The following AEBP2 variants were observed in gnomAD, a reference collection of about 807,000 sequenced individuals.
AEBP2 encodes the protein zinc finger protein AEBP2.
In AEBP2, 10 loss-of-function variants were observed where a neutral mutation model predicts 50.8. That is an observed-to-expected ratio of 0.20 (90% CI 0.12 to 0.33). The LOEUF (loss-of-function observed/expected upper bound fraction) is 0.33, where lower values mean the gene tolerates loss of function less well. AEBP2 is among the 10% of genes least tolerant of loss of function. The pLI, the probability that AEBP2 is intolerant of heterozygous loss-of-function variation, is 1.00. For missense variants in AEBP2, 570 were observed against 688.0 expected, an observed-to-expected ratio of 0.83 and a Z score of 1.92; for synonymous variants, 296 against 261.3, an observed-to-expected ratio of 1.13 and a Z score of -1.28.
chr12:19,452,914 C>T (rs1177198367), intron 1 of AEBP2, among the ~76,000 whole-genome samples: 3 of 151,070 alleles, frequency 2.0e-5, no homozygotes, highest in African/African-American at 7.3e-5. Context: ...GTAATGTTTA[C>T]CTAGTTTGAT....
Position 19,514,676 on chromosome 12 carries a change from C to A in AEBP2, c.1373C>A (p.Pro458His). The change falls in exon 7 of 8, where the codon CCT becomes CAT. Residue 458 changes from proline (P) to histidine (H), a missense_variant. By Grantham distance (77) the Pro-to-His change is moderately conservative. Coordinates refer to ENST00000266508, the MANE Select transcript of AEBP2 (RefSeq NM_153207.5). ...ACTTGTTTTTTAATTCATAGTCTGCCTGATGTGTGGGTGAATGAAAGTGAA... is the reference window on the plus strand; with the variant it reads ...ACTTGTTTTTTAATTCATAGTCTGCATGATGTGTGGGTGAATGAAAGTGAA... ...LLHWMPEDIL[P>H]DVWVNESERH... is the part of the protein sequence containing the mutation. 1 of 1,601,246 alleles carries A rather than the reference C, an allele frequency of 6.2e-7. No homozygotes were observed. The highest frequency in any genetic ancestry group is 8.5e-7 in the Non-Finnish European group (1 of 1,173,548).
chr12:19,408,392 A>G (rs1171345178), intron 1 of AEBP2, among the ~76,000 whole-genome samples: 1 of 151,864 alleles, frequency 6.6e-6, no homozygotes, highest in African/African-American at 2.4e-5. Context: ...CTCTGTCTCT[A>G]CTATAAATAC....
At chr12:19,509,029 A>G in intron 5 of AEBP2, 1 of 573,768 alleles carries the variant, frequency 1.7e-6, no homozygotes. Context: ...GGAAAGCACC[A>G]AAATCTGCAT....
At chr12:19,436,351 C>T (rs1276505918), upstream of AEBP2, among the ~76,000 whole-genome samples, 6 of 152,114 alleles carry the variant, frequency 3.9e-5, no homozygotes, top group African/African-American at 1.4e-4. Context: ...CCTTGTTTAG[C>T]GTATAATCAG....
intron 1 of AEBP2, among the ~76,000 whole-genome samples, chr12:19,443,352 C>A (rs1947998234): frequency 1.3e-5 from 2 of 151,082 alleles, no homozygotes; most frequent in South Asian, 2.1e-4. Context: ...CCACCTGGGT[C>A]TTCCAAAGTG....
intron 1 of AEBP2, among the ~76,000 whole-genome samples, chr12:19,459,062 G>C (rs1416570462): frequency 1.3e-5 from 2 of 152,044 alleles, no homozygotes; most frequent in Non-Finnish European, 2.9e-5. Flanking sequence ...TTATAAATTG[G>C]TTATGATTGG....
intron 1 of AEBP2, among the ~76,000 whole-genome samples, chr12:19,410,814 A>G (rs982483951): frequency 4.6e-5 from 7 of 152,220 alleles, no homozygotes; most frequent in East Asian, 1.9e-4. Flanking sequence ...AGCAGGAAAC[A>G]TTTGTAAGAC....
chr12:19,515,946 A>G (rs980065742), intron 7 of AEBP2, among the ~76,000 whole-genome samples: 2 of 152,090 alleles, frequency 1.3e-5, no homozygotes, highest in Non-Finnish European at 2.9e-5. Context: ...CAAAAAATAC[A>G]TGGTGGCACA....
upstream of AEBP2, among the ~76,000 whole-genome samples, chr12:19,437,199 C>CTAT (rs1486150998): frequency 6.6e-6 from 1 of 152,140 alleles, no homozygotes. Flanking sequence ...CAGTCTATTA[C>CTAT]TATTAGTTCA....
At chr12:19,504,421 T>A (rs1267566453) in intron 5 of AEBP2, among the ~76,000 whole-genome samples, 1 of 151,828 alleles carries the variant, frequency 6.6e-6, no homozygotes, top group Non-Finnish European at 1.5e-5. Context: ...GTATTTTTTT[T>A]AGTAGAGACG....
At chr12:19,435,812 G>T (rs1000628384), upstream of AEBP2, among the ~76,000 whole-genome samples, 1 of 151,902 alleles carries the variant, frequency 6.6e-6, no homozygotes, top group Non-Finnish European at 1.5e-5. Flanking sequence ...TGATTAACTC[G>T]GCCAAACATG....
In AEBP2 at chr12:19,462,666, A is replaced by C; in HGVS notation, c.828A>C (p.Pro276=). ...GCCAGGCTTGCTTCAACTCTAGCCC[A>C]GATCTGGCAGATCACATCCGTTCCA... is the stretch of plus-strand genomic sequence containing the variant. ...DQCQACFNSS[P]DLADHIRSIH... The change falls in exon 2 of 8, where the codon CCA becomes CCC. Residue 276 remains proline (P), a synonymous_variant. Transcript: ENST00000266508. The C allele has an allele frequency of 6.2e-7, 1 of 1,614,014 alleles. No homozygotes were observed. The highest frequency in any genetic ancestry group is 2.2e-5 in the East Asian group (1 of 44,882).
rs551635862 is a variant in AEBP2 at position 19,448,697 on chromosome 12, C to T, written c.671+8327C>T. Among the ~76,000 whole-genome samples the T allele has an allele frequency of 1.7e-3, 253 of 152,010 alleles. 2 individuals carry two copies. Among genetic ancestry groups the T allele is most frequent in the African/African-American group, 5.1e-3 (212 of 41,474 alleles). The stretch of plus-strand genomic sequence containing the variant: ...GTTTTTTTTTGTTTTGTTTGTACTT[C>T]GAGACAGGGTCTTGCTCTGTCACTC... On this transcript the variant is annotated intron_variant, in intron 1 of 7. Transcript: ENST00000266508.
chr12:19,484,873 C>G (rs937876114), intron 3 of AEBP2, among the ~76,000 whole-genome samples: 5 of 151,982 alleles, frequency 3.3e-5, no homozygotes, highest in Non-Finnish European at 5.9e-5. Context: ...GGCACAGGTC[C>G]TATTACTTTA....
Position 19,502,315 on chromosome 12 carries a change from G to T in AEBP2, c.1299+2094G>T, listed in dbSNP as rs191959039. Among the ~76,000 whole-genome samples, 2 of 152,164 alleles carry T rather than the reference G, an allele frequency of 1.3e-5. 1 individual carries two copies. The highest frequency in any genetic ancestry group is 4.8e-5 in the African/African-American group (2 of 41,542). The stretch of plus-strand genomic sequence containing the variant: ...AGCCCAGCTAATTTTTGTATTTTTA[G>T]TAGAGATGGGGTTTTGCCATGTTGG... On this transcript the variant is annotated intron_variant, in intron 5 of 7. Coordinates refer to ENST00000266508, the MANE Select transcript of AEBP2 (RefSeq NM_153207.5).
chr12:19,438,715 T>C (rs1947887596), upstream of AEBP2, among the ~76,000 whole-genome samples: 1 of 152,160 alleles, frequency 6.6e-6, no homozygotes, highest in African/African-American at 2.4e-5. Flanking sequence ...AGTTCAAATA[T>C]AAAATATATT....
intron 3 of AEBP2, among the ~76,000 whole-genome samples, chr12:19,487,206 T>A (rs149455745): frequency 6.6e-6 from 1 of 152,300 alleles, no homozygotes; most frequent in African/African-American, 2.4e-5. Flanking sequence ...AATAACCTTC[T>A]CCTAGTCTTC....
At chr12:19,418,388 G>GC (rs2095743776) in intron 1 of AEBP2, among the ~76,000 whole-genome samples, 1 of 120,442 alleles carries the variant, frequency 8.3e-6, no homozygotes, top group Non-Finnish European at 1.8e-5. Context: ...ACTATGCCTG[G>GC]CTTTTTTTTT....
In AEBP2 at chr12:19,480,357, G is replaced by A. The variant is rs7967151; in HGVS notation, c.987+7002G>A. Among the ~76,000 whole-genome samples the A allele has an allele frequency of 4.1e-3, 627 of 152,266 alleles. 5 individuals carry two copies. The highest frequency in any genetic ancestry group is 0.014 in the African/African-American group (591 of 41,558). ...TGACCTCAGGTGATCTGCCCACCTC[G>A]GCCTCCCAGAGTGCTGGGATTACAG... On this transcript the variant is annotated intron_variant, in intron 3 of 7. Transcript: ENST00000266508.
Sources: allele counts gnomAD v4.1 joint callset (sites outside exome capture counted in the v4.1 genomes callset), GRCh38; gene constraint gnomAD v4.1.1; transcripts MANE v1.5; gene names NCBI Gene and HGNC (gene_info 2026-07-23, HGNC 2026-07-21).